The following SH3PXD2A variants were observed in gnomAD, a reference collection of about 807,000 sequenced individuals.
SH3PXD2A encodes the protein SH3 and PX domain-containing protein 2A.
SH3PXD2A carries 32 observed loss-of-function variants against 115.2 expected under a neutral mutation model. The observed-to-expected ratio is 0.28, with a 90% CI of 0.21 to 0.37. SH3PXD2A has a LOEUF of 0.37. Among genes scored for constraint, SH3PXD2A ranks in the 10% least tolerant of loss-of-function variants. The pLI, the probability that SH3PXD2A is intolerant of heterozygous loss-of-function variation, is 1.00. For missense variants in SH3PXD2A, 1,328 were observed against 1,498.7 expected, an observed-to-expected ratio of 0.89 and a Z score of 1.88; for synonymous variants, 610 against 629.1, an observed-to-expected ratio of 0.97 and a Z score of 0.45.
chr10:103,631,958 A>C (rs1222838069), intron 8 of SH3PXD2A, among the ~76,000 whole-genome samples: 1 of 152,118 alleles, frequency 6.6e-6, no homozygotes, highest in Non-Finnish European at 1.5e-5. Context: ...TCTCTTAAAA[A>C]AAAATGTTAA....
Position 103,746,431 on chromosome 10 carries a change from C to A in SH3PXD2A, c.230-10623G>T, listed in dbSNP as rs556316019. ...GCCTCCCGGGTTCAAGTGATTCTCC[C>A]ACTTCAGCCTCCGGAGTAGCTGGGA... On this transcript the variant is annotated intron_variant, in intron 3 of 14. Transcript: ENST00000369774. The surrounding 1 kb of genome is among the most constrained non-coding windows in gnomAD (Gnocchi z 4.4). 6.6e-6 allele frequency among the ~76,000 whole-genome samples: 1 copy of A among 152,134 alleles called. No homozygotes were observed. Among genetic ancestry groups the A allele is most frequent in the South Asian group, 2.1e-4 (1 of 4,806 alleles).
At chr10:103,624,967 G>A (rs569430552) in intron 9 of SH3PXD2A, among the ~76,000 whole-genome samples, 5 of 152,258 alleles carry the variant, frequency 3.3e-5, no homozygotes, top group East Asian at 1.9e-4. Context: ...TGTCAGAGGC[G>A]TGCGCAGGAA....
rs367712447 is a variant in SH3PXD2A at position 103,638,553 on chromosome 10, C to T, written c.605-11351G>A. The stretch of plus-strand genomic sequence containing the variant: ...AGCGGAGAATGGTTTCCAGCGAGGG[C>T]GCCAGAGCCAGGCTGCCTGGGATTG... On this transcript the variant is annotated intron_variant, in intron 8 of 14. Transcript: ENST00000369774. Among the ~76,000 whole-genome samples the T allele has an allele frequency of 4.6e-5, 7 of 152,238 alleles. No homozygotes were observed. In the East Asian group the frequency reaches 7.7e-4, roughly 17 times the overall value.
rs564073457 is a variant in SH3PXD2A at position 103,640,590 on chromosome 10, C to T, written c.605-13388G>A. On this transcript the variant is annotated intron_variant, in intron 8 of 14. Coordinates refer to ENST00000369774, the MANE Select transcript of SH3PXD2A (RefSeq NM_001394015.1). The stretch of plus-strand genomic sequence containing the variant: ...GAGCCCTCCAGTCATCATCAGCAAT[C>T]GTGGGAGACATGGAGATGGGAGCAA... Among the ~76,000 whole-genome samples, 514 of 152,266 alleles carry T rather than the reference C, an allele frequency of 3.4e-3. 2 individuals carry two copies. Among genetic ancestry groups the T allele is most frequent in the Admixed American group, 9.2e-3 (141 of 15,300 alleles).
chr10:103,834,847 G>A (rs1419766093), intron 1 of SH3PXD2A, among the ~76,000 whole-genome samples: 10 of 152,296 alleles, frequency 6.6e-5, no homozygotes, highest in South Asian at 2.1e-4. Flanking sequence ...GCAGCCCTGC[G>A]GCCTGTAACC....
At chr10:103,661,400 G>A (rs1438940941) in intron 7 of SH3PXD2A, among the ~76,000 whole-genome samples, 1 of 152,252 alleles carries the variant, frequency 6.6e-6, no homozygotes, top group East Asian at 1.9e-4. Flanking sequence ...GAGCGGAGGC[G>A]GAGGCCAAGG....
chr10:103,661,698 GCTT>G, intron 7 of SH3PXD2A: 1 of 985,280 alleles, frequency 1.0e-6, no homozygotes, highest in Non-Finnish European at 1.2e-6. Context: ...GCGGGAGAGA[GCTT>G]CTCCACGGCC....
At chr10:103,822,134 G>T (rs1158180879) in intron 1 of SH3PXD2A, among the ~76,000 whole-genome samples, 1 of 151,426 alleles carries the variant, frequency 6.6e-6, no homozygotes, top group Non-Finnish European at 1.5e-5. Flanking sequence ...TAGGTGATCT[G>T]CCTGCCTCGG....
intron 5 of SH3PXD2A, among the ~76,000 whole-genome samples, chr10:103,700,240 C>T (rs927675264): frequency 1.3e-5 from 2 of 152,242 alleles, no homozygotes; most frequent in Non-Finnish European, 2.9e-5. Flanking sequence ...GTGATATAAA[C>T]AAGTGACTTC....
intron 1 of SH3PXD2A, among the ~76,000 whole-genome samples, chr10:103,834,490 T>C (rs182722450): frequency 2.1e-4 from 32 of 152,328 alleles, no homozygotes; most frequent in African/African-American, 7.5e-4. Flanking sequence ...TGTTCTGAAA[T>C]TGACTGTGGT....
At position 103,724,412 on chromosome 10, in the gene SH3PXD2A, G is replaced by A; in HGVS notation, c.307-51C>T. On this transcript the variant is annotated intron_variant, in intron 4 of 14. Transcript: ENST00000369774. ...ATTAGGTGTGATGAACTTGGGAACA[G>A]GAAAACCAAGACAGTGTCACCTTAC... 3 of 1,099,582 alleles carry A rather than the reference G, an allele frequency of 2.7e-6. 1 individual carries two copies. In the South Asian group the frequency reaches 4.4e-5, roughly 16 times the overall value. The allele number at this position is 1,099,582 out of a possible 1,614,324, so 68.1% of individuals were successfully genotyped here.
intron 8 of SH3PXD2A, among the ~76,000 whole-genome samples, chr10:103,654,276 C>T (rs2037175869): frequency 2.0e-5 from 3 of 152,170 alleles, no homozygotes; most frequent in African/African-American, 4.8e-5. Flanking sequence ...GCAAGAACTC[C>T]AGGGGAGTGA....
chr10:103,748,327 G>A (rs972913423), intron 3 of SH3PXD2A, among the ~76,000 whole-genome samples: 3 of 152,174 alleles, frequency 2.0e-5, no homozygotes, highest in African/African-American at 4.8e-5. Context: ...TGGGCAGACT[G>A]AACATGCCTA....
intron 1 of SH3PXD2A, among the ~76,000 whole-genome samples, chr10:103,831,288 T>A (rs1027077990): frequency 2.0e-5 from 3 of 152,204 alleles, no homozygotes; most frequent in African/African-American, 7.2e-5. Flanking sequence ...TCAGTGAATA[T>A]CCTATACCTT....
chr10:103,775,960 A>G (rs1465913866), intron 2 of SH3PXD2A, among the ~76,000 whole-genome samples: 1 of 152,194 alleles, frequency 6.6e-6, no homozygotes, highest in African/African-American at 2.4e-5. Context: ...GCTGCTGTCT[A>G]CAGCATCTGG....
chr10:103,606,526 G>A (rs893680398), intron 13 of SH3PXD2A, among the ~76,000 whole-genome samples: 111 of 126,812 alleles, frequency 8.8e-4, no homozygotes, highest in East Asian at 7.7e-4. Flanking sequence ...CTCTTTCCAC[G>A]GTCTCCCTCG....
At chr10:103,656,646 A>G (rs2037216557) in intron 8 of SH3PXD2A, among the ~76,000 whole-genome samples, 1 of 152,098 alleles carries the variant, frequency 6.6e-6, no homozygotes, top group Non-Finnish European at 1.5e-5. Context: ...CCTGGCCAAC[A>G]TAGTAAAACC....
intron 8 of SH3PXD2A, among the ~76,000 whole-genome samples, chr10:103,643,481 G>C (rs2036985226): frequency 6.6e-6 from 1 of 152,202 alleles, no homozygotes; most frequent in Admixed American, 6.5e-5. Flanking sequence ...CCTAGGTATA[G>C]ACGGGAGATT....
At chr10:103,736,444 C>A (rs1183336968) in intron 3 of SH3PXD2A, among the ~76,000 whole-genome samples, 1 of 152,266 alleles carries the variant, frequency 6.6e-6, no homozygotes, top group Middle Eastern at 3.2e-3. Flanking sequence ...CAGACCTTCC[C>A]AGCTGACTCT....
Sources: gnomAD v4.1 joint callset for allele counts (sites outside exome capture counted in the v4.1 genomes callset) on GRCh38, gnomAD v4.1.1 for gene constraint, Gnocchi (gnomAD v3.1) non-coding constraint, MANE v1.5 for transcripts, NCBI Gene and HGNC (gene_info 2026-07-23, HGNC 2026-07-21) for gene names.